The following MTA3 variants were observed in gnomAD, a reference collection of about 807,000 sequenced individuals.
MTA3 encodes the protein metastasis associated 1 family member 3.
In MTA3, 34 loss-of-function variants were observed where a neutral mutation model predicts 83.5. The ratio of observed to expected loss-of-function variants is 0.41; its 90% confidence interval spans 0.31 to 0.54. The LOEUF (loss-of-function observed/expected upper bound fraction) is 0.54, where lower values mean the gene tolerates loss of function less well. MTA3 is among the 20% of genes least tolerant of loss of function. The probability of loss-of-function intolerance (pLI) is 0.33; values close to 1 mark genes in which losing one functional copy is unlikely to be tolerated. For missense variants in MTA3, 761 were observed against 726.4 expected (o/e 1.05, Z -0.55); for synonymous variants, 303 against 252.7 (o/e 1.20, Z -1.89).
intron 3 of MTA3, among the ~76,000 whole-genome samples, chr2:42,597,924 T>C (rs561903877): frequency 6.6e-6 from 1 of 152,064 alleles, no homozygotes; most frequent in African/African-American, 2.4e-5. Flanking sequence ...TGAAGCGATC[T>C]GCCCACTTTA....
Position 42,659,802 on chromosome 2 carries a change from T to C in MTA3, c.642T>C (p.Ser214=). Residue 214 remains serine (S), a synonymous_variant, in exon 8 of 17, where the codon AGT becomes AGC. Transcript: ENST00000405094. ...GTFARALDCS[S]SVRQPSLHMS... ...TCGCCAGAGCCCTGGATTGCAGCAG[T>C]TCTGTGAGGCAGCCTAGTTTGCATA... 1 of 1,609,320 alleles carries C rather than the reference T, an allele frequency of 6.2e-7. No homozygotes were observed. Among genetic ancestry groups the C allele is most frequent in the Non-Finnish European group, 8.5e-7 (1 of 1,177,834 alleles).
At chr2:42,626,423 G>T (rs1686102307) in intron 4 of MTA3, among the ~76,000 whole-genome samples, 1 of 151,468 alleles carries the variant, frequency 6.6e-6, no homozygotes, top group Non-Finnish European at 1.5e-5. Context: ...TCCGCCTCCA[G>T]GGTAGCTGGC....
chr2:42,628,934 G>T (rs532128027), intron 4 of MTA3, among the ~76,000 whole-genome samples: 3 of 152,104 alleles, frequency 2.0e-5, no homozygotes, highest in Admixed American at 1.3e-4. Flanking sequence ...TTCAAATACT[G>T]GGCAAAGAAA....
At chr2:42,543,786 T>G (rs1211059374) in intron 2 of MTA3, among the ~76,000 whole-genome samples, 4 of 151,840 alleles carry the variant, frequency 2.6e-5, no homozygotes, top group Admixed American at 2.6e-4. Context: ...ATGCCTGGTC[T>G]TTAAGCAACA....
Position 42,525,475 on chromosome 2 carries a change from ATTCCTTCCTTCC to A in MTA3, c.-141+30242_-141+30253del, listed in dbSNP as rs61038484. Reference sequence around the variant, plus strand: ...TCAGCCTCCCAAAGTGCTAGGATCAATTCCTTCCTTCCTTCCTTCCTTCCTTCCTTCCCCTTC... The same window carrying A: ...TCAGCCTCCCAAAGTGCTAGGATCAATTCCTTCCTTCCTTCCTTCCCCTTC... On this transcript the variant is annotated intron_variant, in intron 2 of 17. Coordinates refer to the MTA3 transcript ENST00000405592. Among the ~76,000 whole-genome samples, 55 of 135,594 alleles carry A rather than the reference ATTCCTTCCTTCC, an allele frequency of 4.1e-4. No homozygotes were observed. In the East Asian group the frequency reaches 9.8e-3, roughly 24 times the overall value. The allele number at this position is 135,594 out of a possible 152,430, so 89.0% of individuals were successfully genotyped here.
chr2:42,753,786 C>T lies in MTA3; in HGVS notation c.*387C>T. 9.0e-7 allele frequency: 1 copy of T among 1,105,784 alleles called. No individual in the cohort carries two copies. Among genetic ancestry groups the T allele is most frequent in the South Asian group, 2.5e-5 (1 of 39,770 alleles). 68.5% of individuals were successfully genotyped at this position (1,105,784 alleles called of 1,614,324 possible). A position where few individuals can be genotyped will look rare whatever the true frequency, so the allele number is the denominator to read the frequency against. ...CGCTGCCACCCTGCATGTGTCCGCT[C>T]AGCTCGGTCTTATGCTGTATAGTTA... On this transcript the variant is annotated 3_prime_UTR_variant, in exon 17 of 17. Transcript: ENST00000405094.
intron 14 of MTA3, among the ~76,000 whole-genome samples, chr2:42,718,117 T>G (rs1340099792): frequency 1.3e-4 from 20 of 151,188 alleles, no homozygotes; most frequent in African/African-American, 4.9e-4. Context: ...TTTTTCGCTT[T>G]ATTTCTAGGG....
Position 42,752,282 on chromosome 2 carries a change from C to T in MTA3, c.1760-1092C>T, listed in dbSNP as rs115399461. ...AGCTCTGCTCCATCCTGCAGCCCTT[C>T]CTTGGCATGCTCTGAGGCTGTGAAG... On this transcript the variant is annotated intron_variant, in intron 16 of 16. Coordinates refer to ENST00000405094, the MANE Select transcript of MTA3 (RefSeq NM_001330442.2). 4,163 of 471,298 alleles carry T rather than the reference C, an allele frequency of 8.8e-3. 37 individuals are homozygous for T. Among genetic ancestry groups the T allele is most frequent in the South Asian group, 0.02 (1,277 of 64,568 alleles). 29.2% of individuals were successfully genotyped at this position (471,298 alleles called of 1,614,324 possible).
chr2:42,686,252 T>C (rs1242508395), intron 9 of MTA3, among the ~76,000 whole-genome samples: 1 of 152,250 alleles, frequency 6.6e-6, no homozygotes, highest in Non-Finnish European at 1.5e-5. Flanking sequence ...GGTATAGATA[T>C]TTTTATATTT....
chr2:42,679,018 A>T lies in MTA3; in HGVS notation c.703-3383A>T, dbSNP rs1009102981. ...GCATGGATATTCTTCTCATTTAACAAACAAGGAAAGTGAGTCTCAGAGCAG... is the reference window on the plus strand; with the variant it reads ...GCATGGATATTCTTCTCATTTAACATACAAGGAAAGTGAGTCTCAGAGCAG... On this transcript the variant is annotated intron_variant, in intron 8 of 16. Transcript: ENST00000405094. Among the ~76,000 whole-genome samples the T allele has an allele frequency of 3.3e-5, 5 of 152,246 alleles. No individual in the cohort carries two copies. In the East Asian group the frequency reaches 9.7e-4, roughly 29 times the overall value.
chr2:42,515,800 G>A (rs189148351), intron 2 of MTA3, among the ~76,000 whole-genome samples: 13 of 149,140 alleles, frequency 8.7e-5, no homozygotes, highest in East Asian at 4.0e-4. Context: ...GTGCCCAGTC[G>A]TTTCAGTGTT....
intron 2 of MTA3, among the ~76,000 whole-genome samples, chr2:42,499,088 G>C (rs1674278230): frequency 6.6e-6 from 1 of 152,044 alleles, no homozygotes; most frequent in African/African-American, 2.4e-5. Context: ...GGATGAATAA[G>C]TCCTAGAGAT....
At chr2:42,624,283 T>G (rs1196338558) in intron 4 of MTA3, among the ~76,000 whole-genome samples, 3 of 152,052 alleles carry the variant, frequency 2.0e-5, no homozygotes, top group Non-Finnish European at 4.4e-5. Context: ...TAATTTTCAT[T>G]TTGTATCTTA....
intron 9 of MTA3, among the ~76,000 whole-genome samples, chr2:42,685,198 A>G (rs1417858167): frequency 6.6e-6 from 1 of 152,188 alleles, no homozygotes; most frequent in Non-Finnish European, 1.5e-5. Context: ...AACTATGAAA[A>G]TGAGTATAAC....
intron 4 of MTA3, among the ~76,000 whole-genome samples, chr2:42,632,109 G>A (rs961419059): frequency 6.1e-5 from 2 of 32,846 alleles, no homozygotes; most frequent in Non-Finnish European, 1.3e-4. Context: ...TTTTTTTTTT[G>A]AGATGGAGTC....
intron 2 of MTA3, chr2:42,533,002 G>A (rs1470759401): frequency 2.2e-5 from 4 of 182,982 alleles, no homozygotes; most frequent in Non-Finnish European, 4.6e-5. Context: ...CCTTGCCCTT[G>A]TTTGTTTACA....
chr2:42,531,038 C>G (rs1675940399), intron 2 of MTA3, among the ~76,000 whole-genome samples: 1 of 152,182 alleles, frequency 6.6e-6, no homozygotes, highest in Non-Finnish European at 1.5e-5. Context: ...CCATGTTGGC[C>G]AGGCTGGTCC....
intron 3 of MTA3, among the ~76,000 whole-genome samples, chr2:42,587,195 A>G (rs898451432): frequency 6.6e-6 from 1 of 151,972 alleles, no homozygotes; most frequent in Admixed American, 6.6e-5. Context: ...TCTGTCTCAA[A>G]AAAAAAAGTA....
At chr2:42,695,291 C>G (rs927354678) in intron 9 of MTA3, among the ~76,000 whole-genome samples, 1 of 151,950 alleles carries the variant, frequency 6.6e-6, no homozygotes, top group Admixed American at 6.6e-5. Flanking sequence ...CTCAAATATT[C>G]TAGAATGAAT....
Sources: gnomAD v4.1 joint callset for allele counts (sites outside exome capture counted in the v4.1 genomes callset) on GRCh38, gnomAD v4.1.1 for gene constraint, MANE v1.5 for transcripts, NCBI Gene and HGNC (gene_info 2026-07-23, HGNC 2026-07-21) for gene names.